The following RICTOR variants were observed in gnomAD, a reference collection of about 807,000 sequenced individuals.
The protein encoded by RICTOR is RPTOR independent companion of MTOR complex 2.
RICTOR carries 49 observed loss-of-function variants against 214.9 expected under a neutral mutation model. That is an observed-to-expected ratio of 0.23 (90% confidence interval 0.18 to 0.29). The LOEUF is 0.29. Among genes scored for constraint, RICTOR ranks in the 10% least tolerant of loss-of-function variants. The probability of loss-of-function intolerance (pLI) is 1.00; values close to 1 mark genes in which losing one functional copy is unlikely to be tolerated. For synonymous variants in RICTOR, 717 were observed against 711.3 expected (o/e 1.01, Z -0.13); for missense variants, 1,625 against 2,047.0 (o/e 0.79, Z 3.98).
intron 25 of RICTOR, among the ~76,000 whole-genome samples, chr5:38,956,416 C>G (rs567857456): frequency 6.6e-6 from 1 of 152,024 alleles, no homozygotes; most frequent in African/African-American, 2.4e-5. Context: ...ACCATTCCAG[C>G]CTCATCTTGC....
intron 8 of RICTOR, among the ~76,000 whole-genome samples, chr5:38,979,400 A>G (rs1370176668): frequency 6.6e-6 from 1 of 152,196 alleles, no homozygotes; most frequent in African/African-American, 2.4e-5. Context: ...TAAGAGATTA[A>G]TAACTACTTT....
intron 7 of RICTOR, 63 bp from the exon 8 acceptor site, chr5:38,982,099 G>C: frequency 1.6e-6 from 2 of 1,257,146 alleles, no homozygotes; most frequent in Non-Finnish European, 2.2e-6. Context: ...AAAAAATCTA[G>C]GCTTTAAAAC....
At position 39,074,312 on chromosome 5, in the gene RICTOR, G is replaced by A; in HGVS notation, c.49+17C>T. 2 of 1,550,408 alleles carry A rather than the reference G, an allele frequency of 1.3e-6. No individual in the cohort carries two copies. The highest frequency in any genetic ancestry group is 1.4e-5 in the African/African-American group (1 of 72,606). ...CGGGCGCCGGGCGGTGGGGAGTGAG[G>A]GTTGCAGCGGGCTTACCTCGTACTC... On this transcript the variant is annotated intron_variant, in intron 1 of 37. Transcript: ENST00000357387.
At chr5:38,971,987 C>A (rs371284692) in intron 10 of RICTOR, 28 bp from the exon 11 acceptor site, 1 of 1,021,684 alleles carries the variant, frequency 9.8e-7, no homozygotes, top group Non-Finnish European at 1.5e-6. Context: ...AAAAAAAAAT[C>A]ACTGACATGA....
chr5:38,975,057 T>G (rs1295198729), intron 10 of RICTOR, among the ~76,000 whole-genome samples: 1 of 152,218 alleles, frequency 6.6e-6, no homozygotes, highest in African/African-American at 2.4e-5. Flanking sequence ...AATGGTGGTA[T>G]TATTTTAAAA....
At chr5:38,973,671 T>C (rs949800090) in intron 10 of RICTOR, among the ~76,000 whole-genome samples, 1 of 152,184 alleles carries the variant, frequency 6.6e-6, no homozygotes, top group Non-Finnish European at 1.5e-5. Flanking sequence ...CGAAACATAC[T>C]AGGTAAGCTT....
At chr5:38,952,457 T>A (rs763184694) in intron 29 of RICTOR, 32 bp from the exon 30 acceptor site, 1 of 1,406,166 alleles carries the variant, frequency 7.1e-7, no homozygotes, top group Non-Finnish European at 1.0e-6. Context: ...AAAACAGTTA[T>A]AATTCCAAGC....
Position 38,946,566 on chromosome 5 carries a change from T to C in RICTOR, c.4315-14A>G, listed in dbSNP as rs1561438862. On this transcript the variant is annotated splice_polypyrimidine_tract_variant and intron_variant, in intron 32 of 37. Transcript: ENST00000357387. ...AATATCCTTTACCTAAAAAAAGATA[T>C]AAACCATGGTAAGTCCTGCTATAAA... is the stretch of plus-strand genomic sequence containing the variant. The C allele has an allele frequency of 4.7e-6, 7 of 1,478,592 alleles. No homozygotes were observed. The highest frequency in any genetic ancestry group is 4.5e-5 in the East Asian group (2 of 44,110). 91.6% of individuals were successfully genotyped at this position (1,478,592 alleles called of 1,614,324 possible). A position where few individuals can be genotyped will look rare whatever the true frequency, so the allele number is the denominator to read the frequency against.
At chr5:39,054,584 A>T (rs1758077861) in intron 2 of RICTOR, among the ~76,000 whole-genome samples, 1 of 152,222 alleles carries the variant, frequency 6.6e-6, no homozygotes, top group Non-Finnish European at 1.5e-5. Context: ...TTTGACAAAG[A>T]TTATATAAGG....
At chr5:39,038,488 A>G (rs370266677) in intron 2 of RICTOR, among the ~76,000 whole-genome samples, 8 of 152,196 alleles carry the variant, frequency 5.3e-5, no homozygotes, top group Admixed American at 5.2e-4. Context: ...GGCAGGAGAA[A>G]GAAATAAAGG....
chr5:38,977,765 T>C (rs1751365898), intron 9 of RICTOR, among the ~76,000 whole-genome samples: 1 of 152,000 alleles, frequency 6.6e-6, no homozygotes, highest in Non-Finnish European at 1.5e-5. Context: ...TTTTGTATTT[T>C]TAGTAGAGAC....
At chr5:39,018,700 T>G (rs1755156605) in intron 3 of RICTOR, among the ~76,000 whole-genome samples, 1 of 152,136 alleles carries the variant, frequency 6.6e-6, no homozygotes, top group Non-Finnish European at 1.5e-5. Context: ...TAGCTGTTCT[T>G]GTCTCTCCCT....
chr5:39,021,861 T>C (rs2150136919), intron 2 of RICTOR, among the ~76,000 whole-genome samples: 1 of 152,344 alleles, frequency 6.6e-6, no homozygotes, highest in African/African-American at 2.4e-5. Context: ...TTTGATAGCA[T>C]GGCTACAGTG....
At chr5:38,996,118 A>AT (rs1753160096) in intron 6 of RICTOR, among the ~76,000 whole-genome samples, 1 of 152,206 alleles carries the variant, frequency 6.6e-6, no homozygotes, top group Admixed American at 6.5e-5. Context: ...ATATTTTTAG[A>AT]TTTTTTATGC....
intron 3 of RICTOR, among the ~76,000 whole-genome samples, chr5:39,003,951 T>C (rs1753832788): frequency 6.6e-6 from 1 of 152,176 alleles, no homozygotes; most frequent in South Asian, 2.1e-4. Context: ...TGTTGACTTA[T>C]CTAACAAAAA....
At chr5:38,978,734 C>A (rs190521690) in intron 8 of RICTOR, 84 bp from the exon 9 acceptor site, 1 of 645,316 alleles carries the variant, frequency 1.5e-6, no homozygotes, top group South Asian at 2.0e-5. Flanking sequence ...CATTCCATTT[C>A]TCTCTATCTT....
At chr5:38,961,456 A>G (rs1561462814) in intron 19 of RICTOR, among the ~76,000 whole-genome samples, 1 of 152,142 alleles carries the variant, frequency 6.6e-6, no homozygotes, top group African/African-American at 2.4e-5. Context: ...GAATTTATAG[A>G]CATAATTTAT....
rs2150013923 is a variant in RICTOR at position 38,958,457 on chromosome 5, C to T, written c.2406G>A (p.Leu802=). The change falls in exon 24 of 38, where the codon TTG becomes TTA. Residue 802 remains leucine (L), a synonymous_variant. Coordinates refer to ENST00000357387, the MANE Select transcript of RICTOR (RefSeq NM_152756.5). ...TTAAAATTTACCTCAGCAGGAGAAG[C>T]AAACCCTTGTCTCCAAGGTGGGATA... is the stretch of plus-strand genomic sequence containing the variant. ...PALSHLGDKG[L]LLLLRFLSIP... 6.2e-7 allele frequency: 1 copy of T among 1,608,686 alleles called. No homozygotes were observed. The highest frequency in any genetic ancestry group is 8.5e-7 in the Non-Finnish European group (1 of 1,175,344).
At chr5:39,073,736 A>G (rs1274554876) in intron 2 of RICTOR, among the ~76,000 whole-genome samples, 2 of 152,052 alleles carry the variant, frequency 1.3e-5, no homozygotes, top group South Asian at 2.1e-4. Flanking sequence ...TGCAACCTAA[A>G]TAACAGCCTC....
Sources: gnomAD v4.1 joint callset for allele counts (sites outside exome capture counted in the v4.1 genomes callset) on GRCh38, gnomAD v4.1.1 for gene constraint, MANE v1.5 for transcripts, NCBI Gene and HGNC (gene_info 2026-07-23, HGNC 2026-07-21) for gene names.